The following KPNA7 variants were observed in gnomAD, a reference collection of about 807,000 sequenced individuals.
KPNA7 encodes karyopherin subunit alpha 7.
In KPNA7, 54 loss-of-function variants were observed where a neutral mutation model predicts 53.7. The ratio of observed to expected loss-of-function variants is 1.01; its 90% CI spans 0.81 to 1.26. The LOEUF (loss-of-function observed/expected upper bound fraction) is 1.26, where lower values mean the gene tolerates loss of function less well. Ranked by LOEUF, KPNA7 falls within the 50% of genes most tolerant of loss-of-function variation. The probability of loss-of-function intolerance (pLI) is 0.00; values close to 1 mark genes in which losing one functional copy is unlikely to be tolerated. For missense variants in KPNA7, 640 were observed against 644.5 expected, an observed-to-expected ratio of 0.99 and a Z score of 0.07; for synonymous variants, 276 against 259.3, an observed-to-expected ratio of 1.06 and a Z score of -0.62.
chr7:99,152,222 C>T, the KPNA7 span, among the ~76,000 whole-genome samples: 1 of 151,778 alleles, frequency 6.6e-6, no homozygotes, highest in African/African-American at 2.4e-5. Flanking sequence ...ATTAGCCAGG[C>T]GTGGTGGCAG....
chr7:99,209,413 A>G (rs912221733), upstream of KPNA7, among the ~76,000 whole-genome samples: 5 of 151,992 alleles, frequency 3.3e-5, no homozygotes, highest in African/African-American at 1.2e-4. Context: ...TGCTTCTCCC[A>G]TTGCCTTATT....
chr7:99,195,288 G>C lies in KPNA7; in HGVS notation c.335C>G (p.Ala112Gly), dbSNP rs183241291. The C allele has an allele frequency of 6.4e-7, 1 of 1,551,464 alleles. No homozygotes were observed. The highest frequency in any genetic ancestry group is 8.7e-7 in the Non-Finnish European group (1 of 1,146,958). The change falls in exon 5 of 11, where the codon GCG (alanine) becomes GGG (glycine). Residue 112 changes from alanine to glycine, a missense_variant. By Grantham distance (60) the Ala-to-Gly change is moderately conservative. Coordinates refer to ENST00000327442, the MANE Select transcript of KPNA7 (RefSeq NM_001145715.3). ...CTCCACCATCCTGGGAATGAGGCCC[G>C]CTTCAATGACCAGTTTCAGAGGGGG... is the stretch of plus-strand genomic sequence containing the variant. ...KNPPLKLVIE[A>G]GLIPRMVEFL...
chr7:99,202,437 G>C (rs1247555110), intron 3 of KPNA7, among the ~76,000 whole-genome samples: 1 of 152,172 alleles, frequency 6.6e-6, no homozygotes, highest in Non-Finnish European at 1.5e-5. Flanking sequence ...CAAAGTGTTA[G>C]GAAAGACCTC....
At chr7:99,164,498 G>A in the KPNA7 span, among the ~76,000 whole-genome samples, 2 of 152,108 alleles carry the variant, frequency 1.3e-5, no homozygotes, top group Non-Finnish European at 2.9e-5. Context: ...TGGGGTAGGG[G>A]TAGGGGGAGG....
chr7:99,161,222 A>ACTCT, the KPNA7 span, among the ~76,000 whole-genome samples: 320 of 147,780 alleles, frequency 2.2e-3, 7 homozygotes, highest in African/African-American at 7.1e-3. Flanking sequence ...ATGTACACAA[A>ACTCT]CTCTCTCTCT....
intron 8 of KPNA7, among the ~76,000 whole-genome samples, chr7:99,183,507 T>A (rs1036111586): frequency 1.3e-5 from 2 of 152,320 alleles, no homozygotes; most frequent in Middle Eastern, 3.4e-3. Flanking sequence ...CTCACTAGAA[T>A]ATGTACAGAT....
chr7:99,166,578 C>T, the KPNA7 span, among the ~76,000 whole-genome samples: 1 of 151,896 alleles, frequency 6.6e-6, no homozygotes, highest in Non-Finnish European at 1.5e-5. Context: ...GGCTCCCAAA[C>T]TGCTGGGATT....
chr7:99,183,903 T>A (rs996929860), intron 8 of KPNA7, among the ~76,000 whole-genome samples: 3 of 152,104 alleles, frequency 2.0e-5, no homozygotes, highest in Admixed American at 6.6e-5. Context: ...TGGAGTATAG[T>A]GGCATGATCG....
chr7:99,163,647 A>G, the KPNA7 span, among the ~76,000 whole-genome samples: 1 of 151,716 alleles, frequency 6.6e-6, no homozygotes, highest in East Asian at 1.9e-4. Context: ...TCAGCCTCCC[A>G]AAGTGCTGGG....
the KPNA7 span, among the ~76,000 whole-genome samples, chr7:99,164,764 CAT>C: frequency 3.9e-5 from 6 of 152,178 alleles, no homozygotes; most frequent in Non-Finnish European, 8.8e-5. Flanking sequence ...ATCAAAGACA[CAT>C]GAGCTATTTC....
chr7:99,188,195 A>AAAAAAAAG lies in KPNA7; in HGVS notation c.900+104_900+105insCTTTTTTT, dbSNP rs779112006. 712 of 644,496 alleles carry AAAAAAAAG rather than the reference A, an allele frequency of 1.1e-3. 1 individual carries two copies. The highest frequency in any genetic ancestry group is 1.6e-3 in the Admixed American group (39 of 24,978). 39.9% of individuals were successfully genotyped at this position (644,496 alleles called of 1,614,324 possible). ...GTCTCAAAAAAAAAAAAAAAAAAAA[A>AAAAAAAAG]AAAGCAAAGACCAGGGAAATGCAGA... On this transcript the variant is annotated intron_variant, in intron 7 of 10. Coordinates refer to ENST00000327442, the MANE Select transcript of KPNA7 (RefSeq NM_001145715.3).
the KPNA7 span, among the ~76,000 whole-genome samples, chr7:99,156,561 G>A: frequency 6.6e-6 from 1 of 151,746 alleles, no homozygotes; most frequent in Admixed American, 6.6e-5. Flanking sequence ...TTTTGCCCTT[G>A]TCACCCAGGC....
intron 3 of KPNA7, among the ~76,000 whole-genome samples, chr7:99,197,844 G>A (rs1241280041): frequency 6.6e-6 from 1 of 152,128 alleles, no homozygotes; most frequent in Non-Finnish European, 1.5e-5. Context: ...AGATCTGTGG[G>A]ACATCATCAA....
At chr7:99,184,361 C>T (rs1563072340) in intron 8 of KPNA7, among the ~76,000 whole-genome samples, 1 of 151,924 alleles carries the variant, frequency 6.6e-6, no homozygotes, top group Non-Finnish European at 1.5e-5. Flanking sequence ...AAGAGTTTCG[C>T]CACATTGCCC....
rs1273960598 is a variant in KPNA7 at position 99,203,089 on chromosome 7, A to G, written c.201+17T>C. 2 of 1,551,444 alleles carry G rather than the reference A, an allele frequency of 1.3e-6. No homozygotes were observed. Among genetic ancestry groups the G allele is most frequent in the African/African-American group, 1.4e-5 (1 of 73,168 alleles). ...AACATATTTTGCCCAAGACTACTCT[A>G]AACACTACATACTGACCGCCACCCC... On this transcript the variant is annotated intron_variant, in intron 3 of 10. Transcript: ENST00000327442.
At chr7:99,185,420 C>T (rs898192245) in intron 7 of KPNA7, among the ~76,000 whole-genome samples, 1 of 152,106 alleles carries the variant, frequency 6.6e-6, no homozygotes, top group Non-Finnish European at 1.5e-5. Context: ...GATCATAGCT[C>T]ACTGCAGCCT....
the KPNA7 span, among the ~76,000 whole-genome samples, chr7:99,150,540 G>A: frequency 6.6e-6 from 1 of 150,604 alleles, no homozygotes; most frequent in East Asian, 2.0e-4. Context: ...TCAGCCTCCC[G>A]AGTAGTTGGG....
At chr7:99,186,912 A>G (rs950907743) in intron 7 of KPNA7, among the ~76,000 whole-genome samples, 2 of 152,230 alleles carry the variant, frequency 1.3e-5, no homozygotes, top group African/African-American at 4.8e-5. Context: ...AAGAAAATAA[A>G]GAGCAGGCAG....
chr7:99,187,005 G>A (rs368285416), intron 7 of KPNA7, among the ~76,000 whole-genome samples: 34 of 152,134 alleles, frequency 2.2e-4, no homozygotes, highest in African/African-American at 7.5e-4. Context: ...ATAGCAAAGC[G>A]GCAGGGCATA....
Sources: allele counts gnomAD v4.1 joint callset (sites outside exome capture counted in the v4.1 genomes callset), GRCh38; gene constraint gnomAD v4.1.1; transcripts MANE v1.5; gene names NCBI Gene and HGNC (gene_info 2026-07-23, HGNC 2026-07-21).